The following FARP2 variants were observed in gnomAD, a reference collection of about 807,000 sequenced individuals.
The protein encoded by FARP2 is FERM, ARHGEF and pleckstrin domain-containing protein 2.
In FARP2, 111 loss-of-function variants were observed where a neutral mutation model predicts 130.5. That is an observed-to-expected ratio of 0.85 (90% CI 0.73 to 1.00). FARP2 has a LOEUF of 1.00. FARP2 is among the 50% of genes least tolerant of loss of function. The pLI is 0.00. For missense variants in FARP2, 1,385 were observed against 1,346.3 expected (o/e 1.03, Z -0.45); for synonymous variants, 504 against 516.9 (o/e 0.98, Z 0.34).
chr2:241,388,940 A>G (rs1262310285), intron 2 of FARP2, among the ~76,000 whole-genome samples: 1 of 152,190 alleles, frequency 6.6e-6, no homozygotes, highest in Non-Finnish European at 1.5e-5. Flanking sequence ...TGGGGTGATT[A>G]GGCCATGAGG....
rs184269744 is a variant in FARP2, at chr2:241,423,118, G to A, written c.771+5009G>A. 2.5e-3 allele frequency among the ~76,000 whole-genome samples: 373 copies of A among 152,210 alleles called. 1 individual carries two copies. Among genetic ancestry groups the A allele is most frequent in the Non-Finnish European group, 4.2e-3 (283 of 68,000 alleles). ...AATTCAGGAAATGCAGAGAACCCCA[G>A]TAAGATACTCCACAAGAAGATCTGC... On this transcript the variant is annotated intron_variant, in intron 8 of 26. Transcript: ENST00000264042.
At chr2:241,396,110 C>T (rs2062021780) in intron 2 of FARP2, 1 of 151,968 alleles carries the variant, frequency 6.6e-6, no homozygotes, top group Non-Finnish European at 1.5e-5. Flanking sequence ...ATAAATGGTG[C>T]TGGGAAAACT....
chr2:241,412,224 C>T (rs146285736), intron 6 of FARP2, among the ~76,000 whole-genome samples: 13 of 152,246 alleles, frequency 8.5e-5, no homozygotes, highest in African/African-American at 2.9e-4. Context: ...CTTGTAAAAT[C>T]ATCAGATCTC....
At position 241,456,801 on chromosome 2, in the gene FARP2, GTC is replaced by G. The variant is rs771932787; in HGVS notation, c.1468_1469del (p.Leu490GlufsTer12). 1 of 1,614,102 alleles carries G rather than the reference GTC, an allele frequency of 6.2e-7. No homozygotes were observed. ...CCCTCCAGCCGGAAGAGCCCCCTGA[GTC>G]TGAGCCCTGCATTTCAGGTGCCTTT... is the stretch of plus-strand genomic sequence containing the variant. On this transcript the variant is annotated frameshift_variant, in exon 14 of 27. Transcript: ENST00000264042. LOFTEE classifies it high-confidence loss of function.
At chr2:241,440,996 C>A (rs1403670670) in intron 12 of FARP2, among the ~76,000 whole-genome samples, 1 of 152,042 alleles carries the variant, frequency 6.6e-6, no homozygotes, top group Non-Finnish European at 1.5e-5. Context: ...CAGAGCAATA[C>A]CCTGTCTCTA....
At chr2:241,401,075 A>G (rs1025062644) in intron 2 of FARP2, among the ~76,000 whole-genome samples, 2 of 152,202 alleles carry the variant, frequency 1.3e-5, no homozygotes, top group Non-Finnish European at 2.9e-5. Context: ...TAGAAATTGT[A>G]TGTACAATGT....
intron 13 of FARP2, among the ~76,000 whole-genome samples, chr2:241,455,723 C>T (rs1045361914): frequency 4.1e-5 from 6 of 147,876 alleles, no homozygotes; most frequent in Non-Finnish European, 8.9e-5. Flanking sequence ...TTCTCTAAAA[C>T]TCTAAAGTTT....
At chr2:241,468,647 G>C (rs1042422693) in intron 18 of FARP2, among the ~76,000 whole-genome samples, 3 of 152,236 alleles carry the variant, frequency 2.0e-5, no homozygotes, top group African/African-American at 7.2e-5. Context: ...CGTCTGAGCA[G>C]TGTAGGGGAT....
chr2:241,358,088 C>CT (rs2061107343), intron 1 of FARP2, among the ~76,000 whole-genome samples: 1 of 152,154 alleles, frequency 6.6e-6, no homozygotes, highest in Non-Finnish European at 1.5e-5. Context: ...ACTTGAGAGG[C>CT]TGAGGCACGA....
intron 17 of FARP2, chr2:241,465,924 T>C: frequency 3.5e-6 from 5 of 1,424,752 alleles, no homozygotes; most frequent in Non-Finnish European, 4.6e-6. Context: ...GCCCTTTTCC[T>C]GCCTCGACGG....
intron 14 of FARP2, among the ~76,000 whole-genome samples, chr2:241,458,857 C>T (rs751273019): frequency 1.1e-4 from 16 of 152,198 alleles, no homozygotes; most frequent in Non-Finnish European, 1.0e-4. Flanking sequence ...TGAGTCATGA[C>T]GTGGCATGGG....
chr2:241,360,136 G>C (rs2061155268), intron 1 of FARP2, among the ~76,000 whole-genome samples: 1 of 152,022 alleles, frequency 6.6e-6, no homozygotes, highest in South Asian at 2.1e-4. Flanking sequence ...ACTATATAGG[G>C]GGGAATTTTT....
intron 2 of FARP2, among the ~76,000 whole-genome samples, chr2:241,389,789 C>T (rs1209307275): frequency 1.3e-5 from 2 of 152,060 alleles, no homozygotes; most frequent in East Asian, 3.9e-4. Flanking sequence ...TTAATATTTG[C>T]AGCGCTTATT....
intron 21 of FARP2, chr2:241,488,798 G>A (rs1167064994): frequency 2.0e-5 from 3 of 152,154 alleles, no homozygotes; most frequent in African/African-American, 7.2e-5. Flanking sequence ...TTTATCAAAT[G>A]GAAGCCTGTG....
chr2:241,483,693 G>C (rs1268082031), intron 20 of FARP2, 160 bp downstream of exon 20: 1 of 762,946 alleles, frequency 1.3e-6, no homozygotes, highest in East Asian at 1.3e-4. Flanking sequence ...ACAGGGCCAG[G>C]GGAGGGTCAC....
intron 9 of FARP2, among the ~76,000 whole-genome samples, 161 bp downstream of exon 9, chr2:241,431,935 C>T (rs1434869655): frequency 6.6e-6 from 1 of 152,124 alleles, no homozygotes; most frequent in Non-Finnish European, 1.5e-5. Flanking sequence ...GATTCTCCTG[C>T]CTCAGCCTCC....
intron 2 of FARP2, among the ~76,000 whole-genome samples, chr2:241,382,928 TA>T: frequency 6.6e-6 from 1 of 152,078 alleles, no homozygotes; most frequent in Admixed American, 6.5e-5. Flanking sequence ...AGTTTAAAAA[TA>T]ACTTAAGAGT....
At position 241,482,039 on chromosome 2, in the gene FARP2, A is replaced by T. The variant is rs746426885; in HGVS notation, c.2263-1426A>T. Among the ~76,000 whole-genome samples, 96 of 152,324 alleles carry T rather than the reference A, an allele frequency of 6.3e-4. 1 individual carries two copies. Among genetic ancestry groups the T allele is most frequent in the Middle Eastern group, 3.4e-3 (1 of 294 alleles). On this transcript the variant is annotated intron_variant, in intron 19 of 26. Transcript: ENST00000264042. This position sits in a 1 kb window ranked among gnomAD's most constrained non-coding sequence, Gnocchi z 4.6. ...AGAATTTCTTGTCTTCCTGAGTTAA[A>T]TATGTGTGTCAGTCAACAGACAGAA...
At chr2:241,489,592 A>G (rs553655169) in intron 21 of FARP2, 1 of 162,148 alleles carries the variant, frequency 6.2e-6, no homozygotes, top group East Asian at 1.7e-4. Context: ...ATTAATCCAC[A>G]GTGGGTTTTC....
Sources: gnomAD v4.1 joint callset for allele counts (sites outside exome capture counted in the v4.1 genomes callset) on GRCh38, gnomAD v4.1.1 for gene constraint, Gnocchi (gnomAD v3.1) non-coding constraint, MANE v1.5 for transcripts, NCBI Gene and HGNC (gene_info 2026-07-23, HGNC 2026-07-21) for gene names.